The following SMCO2 variants were observed in gnomAD, a reference collection of about 807,000 sequenced individuals.
The protein encoded by SMCO2 is single-pass membrane protein with coiled-coil domains 2.
SMCO2 carries 25 observed loss-of-function variants against 29.5 expected under a neutral mutation model. That is an observed-to-expected ratio of 0.85 (90% CI 0.62 to 1.18). SMCO2 has a LOEUF of 1.18. Ranked by LOEUF, SMCO2 falls within the 50% of genes most tolerant of loss-of-function variation. SMCO2 has a pLI of 0.00. For synonymous variants in SMCO2, 117 were observed against 123.3 expected, an observed-to-expected ratio of 0.95 and a Z score of 0.34; for missense variants, 348 against 344.5, an observed-to-expected ratio of 1.01 and a Z score of -0.08.
upstream of SMCO2, among the ~76,000 whole-genome samples, chr12:27,464,666 G>A (rs538081310): frequency 3.7e-4 from 54 of 145,432 alleles, no homozygotes; most frequent in African/African-American, 1.4e-3. Flanking sequence ...GCAATGAGCA[G>A]TGATTGTGCC....
the SMCO2 span, chr12:27,424,529 A>T: frequency 6.6e-6 from 1 of 152,260 alleles, no homozygotes; most frequent in Admixed American, 6.5e-5. Flanking sequence ...TTACAGTGTC[A>T]CGACAGAAAA....
At chr12:27,425,556 C>G in the SMCO2 span, among the ~76,000 whole-genome samples, 1 of 152,168 alleles carries the variant, frequency 6.6e-6, no homozygotes, top group Admixed American at 6.5e-5. Flanking sequence ...TTCCTCATTC[C>G]ATCCCTCAGC....
At chr12:27,476,782 G>A (rs1451660900) in intron 4 of SMCO2, among the ~76,000 whole-genome samples, 2 of 151,404 alleles carry the variant, frequency 1.3e-5, no homozygotes, top group East Asian at 1.9e-4. Flanking sequence ...CATATAATTG[G>A]GTCATTTAAA....
chr12:27,497,440 C>T, intron 7 of SMCO2: 1 of 217,402 alleles, frequency 4.6e-6, no homozygotes, highest in Admixed American at 4.2e-5. Context: ...TACCATTAAC[C>T]ATGGTAAAAT....
intron 1 of SMCO2, 29 bp from the exon 2 acceptor site, chr12:27,470,593 C>T (rs760527205): frequency 3.9e-6 from 6 of 1,536,382 alleles, no homozygotes; most frequent in Non-Finnish European, 5.3e-6. Flanking sequence ...GCCATAAAAT[C>T]CCTCTTGTTG....
rs1253682419 is a variant in SMCO2, at chr12:27,493,554, A to G, written c.451-746A>G. The stretch of plus-strand genomic sequence containing the variant: ...TCTCAAAAAAAAAAAATTAATTTCT[A>G]TAAGTGTCATCTTTGGAACTCATTT... On this transcript the variant is annotated intron_variant, in intron 5 of 7. Coordinates refer to ENST00000298876, the Ensembl canonical transcript of SMCO2. Among the ~76,000 whole-genome samples the G allele has an allele frequency of 5.3e-5, 8 of 152,150 alleles. No homozygotes were observed. The East Asian group carries it at 5.8e-4, about 11-fold the overall frequency.
chr12:27,478,467 G>A (rs931802882), intron 4 of SMCO2, among the ~76,000 whole-genome samples: 5 of 152,340 alleles, frequency 3.3e-5, no homozygotes, highest in Middle Eastern at 3.4e-3. Context: ...TGGGCACTGT[G>A]TGTGGCACTG....
chr12:27,458,043 G>T, the SMCO2 span, among the ~76,000 whole-genome samples: 20 of 152,160 alleles, frequency 1.3e-4, no homozygotes, highest in Non-Finnish European at 2.5e-4. Flanking sequence ...ATTGTTAAAC[G>T]TCTGAGAAAA....
the SMCO2 span, among the ~76,000 whole-genome samples, chr12:27,457,192 C>G: frequency 1.3e-5 from 2 of 152,122 alleles, no homozygotes; most frequent in African/African-American, 4.8e-5. Context: ...CCCCTGAACC[C>G]TGACTCCCCA....
chr12:27,469,294 A>G (rs1400371239), intron 1 of SMCO2, among the ~76,000 whole-genome samples: 1 of 152,152 alleles, frequency 6.6e-6, no homozygotes, highest in Admixed American at 6.5e-5. Flanking sequence ...GCCACATTCA[A>G]AGTTAAAAAG....
intron 5 of SMCO2, among the ~76,000 whole-genome samples, chr12:27,492,572 T>G (rs1174715097): frequency 6.6e-6 from 1 of 152,004 alleles, no homozygotes. Context: ...AAGAAACATA[T>G]GAAAAAAAGC....
intron 5 of SMCO2, among the ~76,000 whole-genome samples, chr12:27,493,313 G>T (rs1942952483): frequency 6.6e-6 from 1 of 151,880 alleles, no homozygotes; most frequent in African/African-American, 2.4e-5. Context: ...ACCTTCACAT[G>T]TACTCCTAAA....
chr12:27,469,652 G>C (rs76280975), intron 1 of SMCO2, among the ~76,000 whole-genome samples: 2,298 of 152,262 alleles, frequency 0.015, 60 homozygotes, highest in African/African-American at 0.052. Flanking sequence ...ATATACAGAA[G>C]AGAAGGTGTC....
intron 4 of SMCO2, among the ~76,000 whole-genome samples, chr12:27,479,639 A>C (rs1022812167): frequency 6.6e-6 from 1 of 152,156 alleles, no homozygotes; most frequent in African/African-American, 2.4e-5. Context: ...AGAGGGACCC[A>C]GTGGGAGGTA....
At chr12:27,477,516 T>C (rs1041170828) in intron 4 of SMCO2, among the ~76,000 whole-genome samples, 3 of 151,872 alleles carry the variant, frequency 2.0e-5, no homozygotes, top group African/African-American at 2.4e-5. Context: ...ATTATTTCAT[T>C]AAATTTTTTT....
At chr12:27,497,710 G>A in intron 7 of SMCO2, 1 of 156,714 alleles carries the variant, frequency 6.4e-6, no homozygotes, top group South Asian at 1.7e-4. Context: ...TCCAGTTTGG[G>A]TAACAGAGTG....
At chr12:27,499,992 C>T (rs375877398) in intron 7 of SMCO2, among the ~76,000 whole-genome samples, 6 of 150,198 alleles carry the variant, frequency 4.0e-5, no homozygotes, top group Non-Finnish European at 5.9e-5. Context: ...AGGTTTTACA[C>T]GTGGCAAGGT....
At chr12:27,469,074 A>C (rs1195304269) in intron 1 of SMCO2, among the ~76,000 whole-genome samples, 5 of 152,212 alleles carry the variant, frequency 3.3e-5, no homozygotes, top group Non-Finnish European at 5.9e-5. Context: ...CAGAATAAGG[A>C]AATTTTATTA....
chr12:27,498,965 A>G (rs986515622), intron 7 of SMCO2, among the ~76,000 whole-genome samples: 1 of 150,754 alleles, frequency 6.6e-6, no homozygotes, highest in Non-Finnish European at 1.5e-5. Context: ...ATGTGGAGAA[A>G]TTGGAACCCT....
Sources: allele counts gnomAD v4.1 joint callset (sites outside exome capture counted in the v4.1 genomes callset), GRCh38; gene constraint gnomAD v4.1.1; transcripts MANE v1.5; gene names NCBI Gene and HGNC (gene_info 2026-07-23, HGNC 2026-07-21).